The following NUP133 variants were observed in gnomAD, a reference collection of about 807,000 sequenced individuals.
The protein encoded by NUP133 is nucleoporin 133, also known as nuclear pore complex protein Nup133.
NUP133 carries 66 observed loss-of-function variants against 146.2 expected under a neutral mutation model. The ratio of observed to expected loss-of-function variants is 0.45; its 90% CI spans 0.37 to 0.55. NUP133 has a LOEUF of 0.55. Ranked by LOEUF, NUP133 falls within the 20% of genes least tolerant of loss-of-function variation. The pLI is 0.00. For missense variants in NUP133, 1,277 were observed against 1,374.8 expected, an observed-to-expected ratio of 0.93 and a Z score of 1.12; for synonymous variants, 521 against 498.8, an observed-to-expected ratio of 1.04 and a Z score of -0.59.
intron 17 of NUP133, among the ~76,000 whole-genome samples, 198 bp from the exon 18 acceptor site, chr1:229,465,073 T>C (rs1457908789): frequency 6.6e-6 from 1 of 152,214 alleles, no homozygotes; most frequent in Non-Finnish European, 1.5e-5. Context: ...CAGGTAAACA[T>C]GACTCTTCTT....
Position 229,502,003 on chromosome 1 carries a change from G to C in NUP133, c.401C>G (p.Thr134Ser), listed in dbSNP as rs1378658141. 24 of 1,604,830 alleles carry C rather than the reference G, an allele frequency of 1.5e-5. No homozygotes were observed. Among genetic ancestry groups the C allele is most frequent in the Non-Finnish European group, 2.0e-5 (23 of 1,171,758 alleles). The change falls in exon 3 of 26, where the codon ACT becomes AGT. Residue 134 changes from threonine to serine, a missense_variant. Thr to Ser is a moderately conservative substitution (Grantham distance 58). Around this residue, in one of 3 missense-constraint regions of NUP133, gnomAD observed 319 missense variants for 306.9 expected, o/e 1.04. Coordinates refer to ENST00000261396, the MANE Select transcript of NUP133 (RefSeq NM_018230.3). ...AGCTCTCTAAAGAGCCATTACCTTA[G>C]TAATAGGTGACAGAGCAATCTTCCA... ...IIWKIALSPI[T>S]KLSVCKELQL...
At chr1:229,450,328 G>C (rs568379717) in intron 23 of NUP133, among the ~76,000 whole-genome samples, 197 bp downstream of exon 23, 1 of 152,218 alleles carries the variant, frequency 6.6e-6, no homozygotes, top group East Asian at 1.9e-4. Flanking sequence ...GAATGTGTGA[G>C]AATTATCACA....
chr1:229,494,734 C>G (rs1393366540), intron 8 of NUP133, among the ~76,000 whole-genome samples: 1 of 152,114 alleles, frequency 6.6e-6, no homozygotes, highest in Non-Finnish European at 1.5e-5. Flanking sequence ...TTTGTACTAC[C>G]AAGACAAAGC....
chr1:229,479,420 T>C (rs2102769053), intron 12 of NUP133, among the ~76,000 whole-genome samples: 1 of 152,336 alleles, frequency 6.6e-6, no homozygotes, highest in South Asian at 2.1e-4. Context: ...CTTAATCTCT[T>C]AGGATGCCCA....
At chr1:229,495,688 T>G (rs1436441848) in intron 7 of NUP133, 123 bp from the exon 8 acceptor site, 2 of 755,482 alleles carry the variant, frequency 2.6e-6, no homozygotes, top group Non-Finnish European at 4.0e-6. Flanking sequence ...ATGTATACAT[T>G]AAAAAAAAAA....
intron 12 of NUP133, among the ~76,000 whole-genome samples, chr1:229,479,327 A>G (rs1277749133): frequency 1.3e-5 from 2 of 152,202 alleles, no homozygotes; most frequent in African/African-American, 4.8e-5. Context: ...AACAGCCTGC[A>G]TATTATGTAG....
chr1:229,456,165 C>T (rs1170896794), intron 21 of NUP133, among the ~76,000 whole-genome samples: 4 of 152,184 alleles, frequency 2.6e-5, no homozygotes, highest in South Asian at 2.1e-4. Flanking sequence ...TACATTGCTT[C>T]AGGAGTGGTA....
chr1:229,498,712 C>T (rs552254236), intron 5 of NUP133, among the ~76,000 whole-genome samples: 9 of 150,668 alleles, frequency 6.0e-5, no homozygotes, highest in South Asian at 2.1e-4. Context: ...GCTGAGATTG[C>T]GCCACTGCAA....
chr1:229,448,494 G>A (rs976771391), intron 24 of NUP133, among the ~76,000 whole-genome samples: 3 of 152,120 alleles, frequency 2.0e-5, no homozygotes, highest in African/African-American at 4.8e-5. Context: ...AACGTCTCAT[G>A]CCTTTCCAGA....
intron 4 of NUP133, 62 bp from the exon 5 acceptor site, chr1:229,499,880 C>T (rs2102784958): frequency 1.3e-6 from 2 of 1,547,214 alleles, no homozygotes; most frequent in Non-Finnish European, 1.8e-6. Context: ...AACCAGCAGT[C>T]TGATGGCAAT....
At position 229,465,892 on chromosome 1, in the gene NUP133, C is replaced by CAAA. The variant is rs71561801; in HGVS notation, c.2200-376_2200-374dup. 1.8e-3 allele frequency among the ~76,000 whole-genome samples: 136 copies of CAAA among 77,314 alleles called. 2 individuals carry two copies. The highest frequency in any genetic ancestry group is 5.4e-3 in the African/African-American group (124 of 22,956). 50.7% of individuals were successfully genotyped at this position (77,314 alleles called of 152,430 possible). On this transcript the variant is annotated intron_variant, in intron 16 of 25. Coordinates refer to ENST00000261396, the MANE Select transcript of NUP133 (RefSeq NM_018230.3). ...GGCAATGGAGTGAGACCATGTCTCA[C>CAAA]AAAAAAAAAAAAAAAAAGAAAAGAA...
In NUP133 at chr1:229,449,886, T is replaced by A. The variant is rs1438904085; in HGVS notation, c.3180+639A>T. On this transcript the variant is annotated intron_variant, in intron 23 of 25. Coordinates refer to ENST00000261396, the MANE Select transcript of NUP133 (RefSeq NM_018230.3). The stretch of plus-strand genomic sequence containing the variant: ...ATATATATATATATTTTTTTTTTTT[T>A]TTTTTTTTTTTTTGAGACAGTCTCA... 2.8e-3 allele frequency among the ~76,000 whole-genome samples: 345 copies of A among 123,414 alleles called. 1 individual carries two copies. Among genetic ancestry groups the A allele is most frequent in the Non-Finnish European group, 3.2e-3 (192 of 59,098 alleles). 81.0% of individuals were successfully genotyped at this position (123,414 alleles called of 152,430 possible). A position where few individuals can be genotyped will look rare whatever the true frequency, so the allele number is the denominator to read the frequency against.
intron 6 of NUP133, 49 bp from the exon 7 acceptor site, chr1:229,496,096 C>T (rs889746245): frequency 7.2e-7 from 1 of 1,388,248 alleles, no homozygotes; most frequent in Non-Finnish European, 9.6e-7. Context: ...ACTTCTAATG[C>T]TAAGGAACTA....
chr1:229,486,521 A>G lies in NUP133; in HGVS notation c.1350T>C (p.Ser450=), dbSNP rs779517942. 2 of 1,605,380 alleles carry G rather than the reference A, an allele frequency of 1.2e-6. No individual in the cohort carries two copies. The highest frequency in any genetic ancestry group is 2.2e-5 in the South Asian group (2 of 88,978). The change falls in exon 11 of 26, where the codon AGT becomes AGC. Residue 450 remains serine, a synonymous_variant. Coordinates refer to ENST00000261396, the MANE Select transcript of NUP133 (RefSeq NM_018230.3). ...CACCACAGGCACCAGCACCTAAAAC[A>G]CTATCTCCTAAAAGAAAGGAAAACA... ...EKIVFNAQGD[S]VLGAGACGGV...
At position 229,485,934 on chromosome 1, in the gene NUP133, C is replaced by T. The variant is rs188778555; in HGVS notation, c.1500+437G>A. On this transcript the variant is annotated intron_variant, in intron 11 of 25. Transcript: ENST00000261396. ...ATCCCAGCACTTTGGGAGGCCGAGGCGGGAGGATTCTTGAGCCCAGGAGTT... is the reference window on the plus strand; with the variant it reads ...ATCCCAGCACTTTGGGAGGCCGAGGTGGGAGGATTCTTGAGCCCAGGAGTT... Among the ~76,000 whole-genome samples, 39 of 152,186 alleles carry T rather than the reference C, an allele frequency of 2.6e-4. No individual in the cohort carries two copies. In the East Asian group the frequency reaches 6.0e-3, roughly 23 times the overall value.
At chr1:229,465,340 TA>T in intron 17 of NUP133, 79 bp downstream of exon 17, 2 of 1,117,856 alleles carry the variant, frequency 1.8e-6, no homozygotes, top group Admixed American at 1.9e-5. Flanking sequence ...AAACCTACGC[TA>T]GGGGAATAAC....
At chr1:229,463,963 T>C (rs928017547) in intron 18 of NUP133, among the ~76,000 whole-genome samples, 2 of 151,942 alleles carry the variant, frequency 1.3e-5, no homozygotes, top group African/African-American at 2.4e-5. Context: ...CAGGCCAATA[T>C]GGTGAAACCC....
chr1:229,477,456 A>AT, intron 13 of NUP133, 141 bp downstream of exon 13: 8 of 591,648 alleles, frequency 1.4e-5, no homozygotes, highest in Non-Finnish European at 2.1e-5. Context: ...AAAAAAAAAA[A>AT]GGAAGGTCAC....
At chr1:229,445,508 CAA>C (rs1462212604) in intron 24 of NUP133, among the ~76,000 whole-genome samples, 1 of 152,118 alleles carries the variant, frequency 6.6e-6, no homozygotes, top group Non-Finnish European at 1.5e-5. Context: ...TGTGTAGAGA[CAA>C]AGTCTCGCTA....
Sources: gnomAD v4.1 joint callset for allele counts (sites outside exome capture counted in the v4.1 genomes callset) on GRCh38, gnomAD v4.1.1 for gene constraint, gnomAD v4.1.1 regional missense constraint, MANE v1.5 for transcripts, NCBI Gene and HGNC (gene_info 2026-07-23, HGNC 2026-07-21) for gene names.